TCF12: variants seen among roughly 807,000 people sequenced by gnomAD.
The protein encoded by TCF12 is DNA-binding protein HTF4.
A neutral mutation model predicts 86.0 loss-of-function variants in TCF12; 45 were observed. The ratio of observed to expected loss-of-function variants is 0.52; its 90% CI spans 0.41 to 0.67. The LOEUF (loss-of-function observed/expected upper bound fraction) is 0.67. TCF12 is among the 30% of genes least tolerant of loss of function. The pLI is 0.00. For synonymous variants in TCF12, 330 were observed against 299.6 expected (o/e 1.10, Z -1.05); for missense variants, 881 against 859.9 (o/e 1.02, Z -0.31).
chr15:57,038,978 A>G (rs1484632415), intron 3 of TCF12, among the ~76,000 whole-genome samples: 3 of 152,176 alleles, frequency 2.0e-5, no homozygotes, highest in African/African-American at 7.2e-5. Context: ...AATGAGGAAA[A>G]ATGAAAAGGT....
chr15:57,158,184 G>GTTTTTTTTTTTTTTT lies in TCF12; in HGVS notation c.326-8215_326-8214insTTTTTTTTTTTTTTT, dbSNP rs374179677. On this transcript the variant is annotated intron_variant, in intron 5 of 20. Coordinates refer to ENST00000333725, the MANE Select transcript of TCF12 (RefSeq NM_207037.2). ...ACAGATGTTAAAGTCTCAGAAAGTCGTTTCTTTTTTTTTTTTTTCTTTGAG... is the reference window on the plus strand; with the variant it reads ...ACAGATGTTAAAGTCTCAGAAAGTCGTTTTTTTTTTTTTTTTTTCTTTTTTTTTTTTTTCTTTGAG... Among the ~76,000 whole-genome samples, 7 of 134,086 alleles carry GTTTTTTTTTTTTTTT rather than the reference G, an allele frequency of 5.2e-5. 1 individual carries two copies. Among genetic ancestry groups the GTTTTTTTTTTTTTTT allele is most frequent in the African/African-American group, 5.2e-5 (2 of 38,260 alleles). The allele number at this position is 134,086 out of a possible 152,430, so 88.0% of individuals were successfully genotyped here. A position where few individuals can be genotyped will look rare whatever the true frequency, so the allele number is the denominator to read the frequency against.
intron 4 of TCF12, among the ~76,000 whole-genome samples, chr15:57,071,488 T>C (rs1351080981): frequency 3.3e-5 from 5 of 152,052 alleles, no homozygotes; most frequent in Non-Finnish European, 5.9e-5. Flanking sequence ...CTTAAAAATT[T>C]AGCCGGGTGT....
chr15:57,070,637 T>C (rs2069290522), intron 4 of TCF12, among the ~76,000 whole-genome samples: 1 of 152,236 alleles, frequency 6.6e-6, no homozygotes, highest in Non-Finnish European at 1.5e-5. Flanking sequence ...TAATTTTGTT[T>C]AGCGCTCTCT....
intron 3 of TCF12, among the ~76,000 whole-genome samples, chr15:56,966,174 T>C (rs910979690): frequency 2.6e-5 from 4 of 152,216 alleles, no homozygotes; most frequent in Admixed American, 1.3e-4. Context: ...TATTTCTTAA[T>C]TTGTGAATTT....
At chr15:56,993,069 A>T (rs190850468) in intron 3 of TCF12, among the ~76,000 whole-genome samples, 2 of 152,294 alleles carry the variant, frequency 1.3e-5, no homozygotes, top group Admixed American at 1.3e-4. Flanking sequence ...TCAGAATACC[A>T]TCTCACTGGC....
At chr15:57,246,344 G>A (rs142785851) in intron 13 of TCF12, among the ~76,000 whole-genome samples, 7 of 152,256 alleles carry the variant, frequency 4.6e-5, no homozygotes, top group Non-Finnish European at 1.0e-4. Flanking sequence ...TAGAAGGAAG[G>A]TTCTGAGATA....
chr15:57,168,040 T>C (rs2055029194), intron 6 of TCF12, among the ~76,000 whole-genome samples: 1 of 152,180 alleles, frequency 6.6e-6, no homozygotes, highest in Non-Finnish European at 1.5e-5. Flanking sequence ...AGCTGGGCAC[T>C]GTGGTTTATA....
chr15:57,278,486 A>G (rs1567040896), intron 19 of TCF12: 3 of 152,260 alleles, frequency 2.0e-5, no homozygotes, highest in South Asian at 2.1e-4. Context: ...ACAAGTAGCT[A>G]TTAACTATAG....
rs2061417619 is a variant in TCF12 at position 57,276,797 on chromosome 15, T to TTTTTTTTTTCC, written c.1978+3545_1978+3555dup. Among the ~76,000 whole-genome samples the TTTTTTTTTTCC allele has an allele frequency of 2.9e-5, 4 of 137,572 alleles. No homozygotes were observed. In the South Asian group the frequency reaches 9.7e-4, roughly 33 times the overall value. 90.3% of individuals were successfully genotyped at this position (137,572 alleles called of 152,430 possible). ...TCAACCTAGAATTCTTTTTTTTTTC[T>TTTTTTTTTTCC]TTTTTTTTTCCTTTTTTTTTTTTTT... On this transcript the variant is annotated intron_variant, in intron 19 of 20. Coordinates refer to ENST00000333725, the MANE Select transcript of TCF12 (RefSeq NM_207037.2).
At chr15:57,084,477 C>T (rs1471668346) in intron 4 of TCF12, among the ~76,000 whole-genome samples, 1 of 152,096 alleles carries the variant, frequency 6.6e-6, no homozygotes, top group African/African-American at 2.4e-5. Flanking sequence ...TAATATAAAC[C>T]AGTTCTTGCC....
intron 8 of TCF12, among the ~76,000 whole-genome samples, chr15:57,230,577 A>G (rs1244781434): frequency 6.6e-6 from 1 of 152,084 alleles, no homozygotes; most frequent in Non-Finnish European, 1.5e-5. Context: ...GCTTTGCCAG[A>G]CTTGAAAGTG....
intron 19 of TCF12, among the ~76,000 whole-genome samples, chr15:57,279,159 T>A (rs1418719441): frequency 1.3e-5 from 2 of 152,002 alleles, no homozygotes; most frequent in Non-Finnish European, 1.5e-5. Flanking sequence ...CACACCTGGC[T>A]AATTTTTAAA....
intron 6 of TCF12, among the ~76,000 whole-genome samples, chr15:57,179,262 G>A (rs571150927): frequency 8.5e-4 from 130 of 152,222 alleles, no homozygotes; most frequent in African/African-American, 3.0e-3. Context: ...TGAGGCAGGC[G>A]GATCAAGAGG....
chr15:57,178,506 A>G (rs1387602410), intron 6 of TCF12, among the ~76,000 whole-genome samples: 2 of 152,232 alleles, frequency 1.3e-5, no homozygotes, highest in African/African-American at 4.8e-5. Context: ...GCTTCAAAGT[A>G]TTAGAACTCT....
chr15:57,112,446 G>A (rs1322978197), intron 5 of TCF12, among the ~76,000 whole-genome samples: 5 of 152,184 alleles, frequency 3.3e-5, no homozygotes, highest in African/African-American at 1.2e-4. Context: ...AACTGTGACC[G>A]ATTGTGCCTG....
At chr15:57,264,147 C>T (rs1164018754) in intron 18 of TCF12, among the ~76,000 whole-genome samples, 1 of 139,158 alleles carries the variant, frequency 7.2e-6, no homozygotes, top group African/African-American at 2.7e-5. Context: ...AACACAAACA[C>T]ATTATATAGC....
At chr15:57,114,941 A>G (rs2050741189) in intron 5 of TCF12, among the ~76,000 whole-genome samples, 2 of 152,166 alleles carry the variant, frequency 1.3e-5, no homozygotes, top group South Asian at 4.1e-4. Context: ...TGGTAATGCA[A>G]CAAGGAAGGA....
intron 3 of TCF12, among the ~76,000 whole-genome samples, chr15:56,975,067 A>G (rs548426182): frequency 2.0e-5 from 3 of 152,280 alleles, no homozygotes; most frequent in African/African-American, 7.2e-5. Context: ...TTTAATGAAA[A>G]CATTTGCAAT....
At chr15:57,011,805 A>G (rs2064848273) in intron 3 of TCF12, among the ~76,000 whole-genome samples, 1 of 152,198 alleles carries the variant, frequency 6.6e-6, no homozygotes, top group Non-Finnish European at 1.5e-5. Context: ...AGGTGATTAC[A>G]GAGAGTCTGT....
Sources: allele counts gnomAD v4.1 joint callset (sites outside exome capture counted in the v4.1 genomes callset), GRCh38; gene constraint gnomAD v4.1.1; transcripts MANE v1.5; gene names NCBI Gene and HGNC (gene_info 2026-07-23, HGNC 2026-07-21).